Variants in UTP11 observed in about 807,000 individuals in gnomAD.
UTP11 encodes probable U3 small nucleolar RNA-associated protein 11.
A neutral mutation model predicts 39.0 loss-of-function variants in UTP11; 29 were observed. That is an observed-to-expected ratio of 0.74 (90% CI 0.55 to 1.01). UTP11 has a LOEUF of 1.01. UTP11 is among the 50% of genes least tolerant of loss of function. The probability of loss-of-function intolerance (pLI) is 0.00; values close to 1 mark genes in which losing one functional copy is unlikely to be tolerated. For missense variants in UTP11, 281 were observed against 306.0 expected, an observed-to-expected ratio of 0.92 and a Z score of 0.61; for synonymous variants, 111 against 105.0, an observed-to-expected ratio of 1.06 and a Z score of -0.35.
rs770434123 is a variant in UTP11, at chr1:38,019,292, C to T, written c.476C>T (p.Pro159Leu). 7.1e-5 allele frequency: 115 copies of T among 1,613,934 alleles called. No individual in the cohort carries two copies. The Admixed American group carries it at 9.8e-4, about 14-fold the overall frequency. The change falls in exon 6 of 8, where the codon CCG becomes CTG. Residue 159 changes from proline (P) to leucine (L), a missense_variant. Coordinates refer to ENST00000373014, the MANE Select transcript of UTP11 (RefSeq NM_016037.4). ...FDVATHLQTA[P>L]ELVDRVFNRP... ...GTCGCAACTCACCTGCAAACAGCCC[C>T]GGAGCTAGTCGACAGAGTCTTTAAT...
rs1646753691 is a variant in UTP11, at chr1:38,024,401, T to TTG, written c.*774_*775insGT. 3 of 148,106 alleles carry TTG rather than the reference T, an allele frequency of 2.0e-5. No individual in the cohort carries two copies. The highest frequency in any genetic ancestry group is 1.3e-4 in the Admixed American group (2 of 14,978). The allele number at this position is 148,106 out of a possible 1,614,324, so 9.2% of individuals were successfully genotyped here. ...AAACAATTTGATGTCCTACTTTTTTTTTTTTTTTTTTTGAGACGGAGTCTC... is the reference window on the plus strand; with the variant it reads ...AAACAATTTGATGTCCTACTTTTTTTTGTTTTTTTTTTTTGAGACGGAGTCTC... On this transcript the variant is annotated 3_prime_UTR_variant, in exon 8 of 8. Coordinates refer to ENST00000373014, the MANE Select transcript of UTP11 (RefSeq NM_016037.4).
Position 38,018,490 on chromosome 1 carries a change from T to G in UTP11, c.255T>G (p.Thr85=), listed in dbSNP as rs1384445566. ...LQDGVHIIKE[T]KEEVTPEQLK... Reference sequence around the variant, plus strand: ...ATGGAGTACATATTATTAAGGAGACTAAGGAAGAAGTAACCCCAGAACAAC... The same window carrying G: ...ATGGAGTACATATTATTAAGGAGACGAAGGAAGAAGTAACCCCAGAACAAC... The change falls in exon 4 of 8, where the codon ACT becomes ACG. Residue 85 remains threonine (T), a synonymous_variant. Transcript: ENST00000373014. 2 of 1,613,404 alleles carry G rather than the reference T, an allele frequency of 1.2e-6. No homozygotes were observed. The highest frequency in any genetic ancestry group is 1.3e-5 in the African/African-American group (1 of 74,980).
intron 6 of UTP11, among the ~76,000 whole-genome samples, chr1:38,021,685 G>A (rs1646738343): frequency 6.6e-6 from 1 of 152,198 alleles, no homozygotes; most frequent in African/African-American, 2.4e-5. Flanking sequence ...TTGAGGTCAG[G>A]AGTTCGAGAC....
At chr1:38,013,613 T>C (rs1422157446) in intron 1 of UTP11, among the ~76,000 whole-genome samples, 1 of 152,206 alleles carries the variant, frequency 6.6e-6, no homozygotes, top group Non-Finnish European at 1.5e-5. Context: ...TCCAACTTAG[T>C]TTTACAGATG....
intron 2 of UTP11, chr1:38,017,278 T>C (rs907840761): frequency 3.2e-5 from 5 of 155,640 alleles, no homozygotes; most frequent in African/African-American, 1.2e-4. Flanking sequence ...TTCTAGTCAT[T>C]GCGCTATACT....
intron 6 of UTP11, among the ~76,000 whole-genome samples, chr1:38,019,650 A>C (rs1253731915): frequency 6.6e-6 from 1 of 151,852 alleles, no homozygotes; most frequent in Non-Finnish European, 1.5e-5. Context: ...CACCCAGCTT[A>C]TTTCTGTATT....
Position 38,017,417 on chromosome 1 carries a change from AG to A in UTP11, c.126-249del, listed in dbSNP as rs532146959. On this transcript the variant is annotated intron_variant, in intron 2 of 7. Transcript: ENST00000373014. Reference sequence around the variant, plus strand: ...ATATAAATGGCACTGAAACATATATAGGCTGGGGACAGTTAATTTCAGGTTC... The same window carrying A: ...ATATAAATGGCACTGAAACATATATAGCTGGGGACAGTTAATTTCAGGTTC... The A allele has an allele frequency of 1.5e-3, 496 of 339,926 alleles. 1 individual carries two copies. Among genetic ancestry groups the A allele is most frequent in the African/African-American group, 0.01 (478 of 46,960 alleles). The allele number at this position is 339,926 out of a possible 1,614,324, so 21.1% of individuals were successfully genotyped here.
Position 38,020,558 on chromosome 1 carries a change from G to A in UTP11, c.567+1175G>A, listed in dbSNP as rs1427047027. On this transcript the variant is annotated intron_variant, in intron 6 of 7. Coordinates refer to ENST00000373014, the MANE Select transcript of UTP11 (RefSeq NM_016037.4). Reference sequence around the variant, plus strand: ...TCTGACTGATTCATTAAAAAAAAATGCTGTCAATGTGTTTCAAGCAGACAG... The same window carrying A: ...TCTGACTGATTCATTAAAAAAAAATACTGTCAATGTGTTTCAAGCAGACAG... Among the ~76,000 whole-genome samples the A allele has an allele frequency of 2.0e-5, 3 of 152,006 alleles. No homozygotes were observed. The South Asian group carries it at 6.2e-4, about 32-fold the overall frequency.
intron 1 of UTP11, 57 bp downstream of exon 1, chr1:38,012,922 C>T (rs1262646181): frequency 6.2e-7 from 1 of 1,608,612 alleles, no homozygotes; most frequent in African/African-American, 1.3e-5. Flanking sequence ...TTACCCTTGC[C>T]CCAACCCTGT....
intron 3 of UTP11, 43 bp from the exon 4 acceptor site, chr1:38,018,421 T>G: frequency 6.8e-7 from 1 of 1,464,870 alleles, no homozygotes; most frequent in Non-Finnish European, 9.5e-7. Flanking sequence ...TTATTAATGA[T>G]TTTAATCTAA....
chr1:38,024,687 G>T lies in UTP11; in HGVS notation c.*1059G>T, dbSNP rs1020197628. ...CTCCCAAAGTGCTGGGATTACAGGC[G>T]TGAGCCACCGCGCCCGGCCGATGTC... On this transcript the variant is annotated 3_prime_UTR_variant, in exon 8 of 8. Coordinates refer to ENST00000373014, the MANE Select transcript of UTP11 (RefSeq NM_016037.4). The T allele has an allele frequency of 6.6e-6, 1 of 152,128 alleles. No homozygotes were observed. Among genetic ancestry groups the T allele is most frequent in the African/African-American group, 2.4e-5 (1 of 41,414 alleles). The allele number at this position is 152,128 out of a possible 1,614,324, so 9.4% of individuals were successfully genotyped here. A position where few individuals can be genotyped will look rare whatever the true frequency, so the allele number is the denominator to read the frequency against.
rs748289541 is a variant in UTP11 at position 38,017,702 on chromosome 1, C to G, written c.160C>G (p.Leu54Val). 4 of 1,604,790 alleles carry G rather than the reference C, an allele frequency of 2.5e-6. No individual in the cohort carries two copies. The highest frequency in any genetic ancestry group is 3.4e-6 in the Non-Finnish European group (4 of 1,175,242). ...TAAAAAACAAGAATACCTCAAAGCT[C>G]TTCGGAAGAAGGCTCTTGAAAAAAA... ...YRKKQEYLKA[L>V]RKKALEKNPD... Residue 54 changes from leucine to valine, a missense_variant, in exon 3 of 8, where the codon CTT (leucine) becomes GTT (valine). Coordinates refer to ENST00000373014, the MANE Select transcript of UTP11 (RefSeq NM_016037.4).
At chr1:38,014,649 T>A (rs1007780520) in intron 1 of UTP11, among the ~76,000 whole-genome samples, 1 of 152,194 alleles carries the variant, frequency 6.6e-6, no homozygotes. Flanking sequence ...ATTTTACTTA[T>A]GTTTTTGAGA....
At chr1:38,022,560 G>C (rs1646744253) in intron 6 of UTP11, 139 bp from the exon 7 acceptor site, 1 of 631,988 alleles carries the variant, frequency 1.6e-6, no homozygotes, top group Admixed American at 2.8e-5. Context: ...CAACGTTATT[G>C]TTACCACGTT....
chr1:38,019,993 C>T (rs1420567756), intron 6 of UTP11, among the ~76,000 whole-genome samples: 1 of 152,138 alleles, frequency 6.6e-6, no homozygotes, highest in Non-Finnish European at 1.5e-5. Context: ...ATACTTGTAA[C>T]AGATGCCAGT....
chr1:38,016,027 A>G (rs532798724), intron 1 of UTP11, among the ~76,000 whole-genome samples: 1 of 152,338 alleles, frequency 6.6e-6, no homozygotes, highest in Admixed American at 6.5e-5. Context: ...CCTTTGTAGT[A>G]TTTTATAAAC....
At chr1:38,012,941 T>A in intron 1 of UTP11, 76 bp downstream of exon 1, 1 of 1,587,964 alleles carries the variant, frequency 6.3e-7, no homozygotes, top group Non-Finnish European at 8.6e-7. Flanking sequence ...GTCGCCACCG[T>A]GGGATCCGGG....
chr1:38,017,742 A>G lies in UTP11; in HGVS notation c.200A>G (p.Tyr67Cys). The G allele has an allele frequency of 6.2e-7, 1 of 1,612,448 alleles. No individual in the cohort carries two copies. The highest frequency in any genetic ancestry group is 1.1e-5 in the South Asian group (1 of 90,762). ...KALEKNPDEF[Y>C]YKMTRVKLQD... ...CTTGAAAAAAATCCAGATGAATTCTACTACAAAATGACTCGGGTTAAACTC... is the reference window on the plus strand; with the variant it reads ...CTTGAAAAAAATCCAGATGAATTCTGCTACAAAATGACTCGGGTTAAACTC... Residue 67 changes from tyrosine (Y) to cysteine (C), a missense_variant, in exon 3 of 8, where the codon TAC (tyrosine) becomes TGC (cysteine). Transcript: ENST00000373014.
chr1:38,019,475 A>AT, intron 6 of UTP11, 92 bp downstream of exon 6: 2 of 1,140,314 alleles, frequency 1.8e-6, no homozygotes, highest in Non-Finnish European at 2.3e-6. Context: ...ATTTAAAATA[A>AT]TTTTTAAAAT....
Sources: gnomAD v4.1 joint callset for allele counts (sites outside exome capture counted in the v4.1 genomes callset) on GRCh38, gnomAD v4.1.1 for gene constraint, MANE v1.5 for transcripts, NCBI Gene and HGNC (gene_info 2026-07-23, HGNC 2026-07-21) for gene names.